Variants in AP1AR observed in about 807,000 individuals in gnomAD.
AP1AR encodes AP-1 complex-associated regulatory protein.
Under a neutral mutation model 46.3 loss-of-function variants are expected in AP1AR, and 29 were observed. The observed-to-expected ratio is 0.63, with a 90% CI of 0.47 to 0.85. AP1AR has a LOEUF of 0.85. Among genes scored for constraint, AP1AR ranks in the 40% least tolerant of loss-of-function variants. The probability of loss-of-function intolerance (pLI) is 0.00; values close to 1 mark genes in which losing one functional copy is unlikely to be tolerated. For missense variants in AP1AR, 357 were observed against 356.3 expected, an observed-to-expected ratio of 1.00 and a Z score of -0.02; for synonymous variants, 122 against 122.9, an observed-to-expected ratio of 0.99 and a Z score of 0.05.
At chr4:112,266,867 G>T (rs2110495236) in intron 9 of AP1AR, 151 bp downstream of exon 9, 2 of 610,014 alleles carry the variant, frequency 3.3e-6, no homozygotes, top group East Asian at 3.6e-5. Flanking sequence ...TATTGGTGAT[G>T]ATCTCTGTTG....
chr4:112,233,361 A>G (rs1053802883), intron 1 of AP1AR, among the ~76,000 whole-genome samples: 1 of 152,208 alleles, frequency 6.6e-6, no homozygotes, highest in Non-Finnish European at 1.5e-5. Context: ...GCCTAGTGTA[A>G]TATTTCGATT....
intron 1 of AP1AR, among the ~76,000 whole-genome samples, chr4:112,234,154 C>A (rs1388580449): frequency 6.6e-6 from 1 of 152,194 alleles, no homozygotes; most frequent in Non-Finnish European, 1.5e-5. Context: ...CCACCGCGCC[C>A]GGCCAGCAGG....
intron 1 of AP1AR, among the ~76,000 whole-genome samples, chr4:112,251,079 G>A (rs1203808609): frequency 6.6e-6 from 1 of 152,158 alleles, no homozygotes; most frequent in East Asian, 1.9e-4. Context: ...CACTCTTTCA[G>A]TTTATTTCAT....
At chr4:112,257,875 C>A in intron 4 of AP1AR, 78 bp downstream of exon 4, 1 of 1,281,840 alleles carries the variant, frequency 7.8e-7, no homozygotes, top group Non-Finnish European at 1.1e-6. Context: ...CAGGCTTTAT[C>A]ATTTGCTTGC....
In AP1AR at chr4:112,272,321, A is replaced by AT. The variant is rs2110501407; in HGVS notation, c.*3913dup. On this transcript the variant is annotated 3_prime_UTR_variant, in exon 10 of 10. Transcript: ENST00000274000. The stretch of plus-strand genomic sequence containing the variant: ...ATCTAACAGGAGACATCTTGAGCTC[A>AT]TGGGCAACAACTTCCCAATAAGAAT... Among the ~76,000 whole-genome samples, 1 of 152,300 alleles carries AT rather than the reference A, an allele frequency of 6.6e-6. No individual in the cohort carries two copies. Among genetic ancestry groups the AT allele is most frequent in the South Asian group, 2.1e-4 (1 of 4,824 alleles).
At chr4:112,243,537 C>T (rs938923341) in intron 1 of AP1AR, among the ~76,000 whole-genome samples, 7 of 152,216 alleles carry the variant, frequency 4.6e-5, no homozygotes, top group Admixed American at 2.0e-4. Flanking sequence ...TATCCCCGCT[C>T]ACTGTTTAGG....
chr4:112,256,873 G>A lies in AP1AR; in HGVS notation c.160-899G>A, dbSNP rs530646904. The stretch of plus-strand genomic sequence containing the variant: ...TGAATGCTGAAGCATTACTGCAGGG[G>A]AAATACAAGGTTAGGTTCCTGCAAG... On this transcript the variant is annotated intron_variant, in intron 3 of 9. Transcript: ENST00000274000. Among the ~76,000 whole-genome samples, 4 of 152,302 alleles carry A rather than the reference G, an allele frequency of 2.6e-5. No homozygotes were observed. In the East Asian group the frequency reaches 5.8e-4, roughly 22 times the overall value.
intron 1 of AP1AR, among the ~76,000 whole-genome samples, chr4:112,252,774 T>C (rs1369576047): frequency 1.3e-5 from 2 of 152,218 alleles, no homozygotes; most frequent in African/African-American, 4.8e-5. Context: ...TCTTAGCATA[T>C]TGACATATAT....
intron 1 of AP1AR, among the ~76,000 whole-genome samples, chr4:112,250,412 T>C (rs533684676): frequency 4.4e-4 from 67 of 152,346 alleles, no homozygotes; most frequent in African/African-American, 1.2e-3. Flanking sequence ...TTTTAAAACA[T>C]ATATATTACA....
At position 112,268,885 on chromosome 4, in the gene AP1AR, G is replaced by T. The variant is rs1298391168; in HGVS notation, c.*476G>T. On this transcript the variant is annotated 3_prime_UTR_variant, in exon 10 of 10. Transcript: ENST00000274000. The stretch of plus-strand genomic sequence containing the variant: ...CGTTTCCAGCATTATTTATTTCTAT[G>T]ACTTCTTTGGATTTTATTATCTAAT... The T allele has an allele frequency of 6.6e-6, 1 of 152,066 alleles. No homozygotes were observed. Among genetic ancestry groups the T allele is most frequent in the Non-Finnish European group, 1.5e-5 (1 of 68,042 alleles). The allele number at this position is 152,066 out of a possible 1,614,324, so 9.4% of individuals were successfully genotyped here. A position where few individuals can be genotyped will look rare whatever the true frequency, so the allele number is the denominator to read the frequency against.
At chr4:112,245,250 C>T (rs1331210012) in intron 1 of AP1AR, among the ~76,000 whole-genome samples, 3 of 151,706 alleles carry the variant, frequency 2.0e-5, no homozygotes, top group Non-Finnish European at 4.4e-5. Flanking sequence ...TTATTTTTTT[C>T]TTATAAGAAT....
At chr4:112,237,014 C>T (rs1725271558) in intron 1 of AP1AR, among the ~76,000 whole-genome samples, 1 of 152,186 alleles carries the variant, frequency 6.6e-6, no homozygotes, top group Non-Finnish European at 1.5e-5. Context: ...CCTGTTTTTA[C>T]CAGTGTTATT....
chr4:112,254,136 T>C (rs1206488631), intron 2 of AP1AR, among the ~76,000 whole-genome samples: 1 of 152,180 alleles, frequency 6.6e-6, no homozygotes, highest in Non-Finnish European at 1.5e-5. Flanking sequence ...ATATTTAAAA[T>C]AAAAACACTT....
intron 5 of AP1AR, among the ~76,000 whole-genome samples, chr4:112,262,138 A>T (rs940274393): frequency 1.3e-5 from 2 of 151,978 alleles, no homozygotes; most frequent in African/African-American, 4.8e-5. Context: ...ACTTGGCAAG[A>T]CCTCATCTCT....
At chr4:112,265,120 G>T in intron 7 of AP1AR, 53 bp downstream of exon 7, 1 of 1,406,972 alleles carries the variant, frequency 7.1e-7, no homozygotes, top group Non-Finnish European at 9.8e-7. Context: ...ATTTTATTGC[G>T]GTGTAGAGCA....
At chr4:112,262,665 G>A (rs1032191836) in intron 5 of AP1AR, among the ~76,000 whole-genome samples, 1 of 152,192 alleles carries the variant, frequency 6.6e-6, no homozygotes, top group Non-Finnish European at 1.5e-5. Flanking sequence ...GCAAACTAGT[G>A]AGGGTGATAG....
rs1433593075 is a variant in AP1AR at position 112,263,052 on chromosome 4, C to T, written c.347C>T (p.Ala116Val). 2.5e-6 allele frequency: 4 copies of T among 1,613,618 alleles called. No individual in the cohort carries two copies. The highest frequency in any genetic ancestry group is 3.4e-6 in the Non-Finnish European group (4 of 1,179,782). ...EEALYAAQRE[A>V]ARAAKQRKLL... ...GCTTTATACGCTGCACAGCGTGAAG[C>T]AGCCAGGGCAGCAAAGCAGCGAAAG... is the stretch of plus-strand genomic sequence containing the variant. The change falls in exon 6 of 10, where the codon GCA becomes GTA. Residue 116 changes from alanine to valine, a missense_variant. Ala to Val is a moderately conservative substitution (Grantham distance 64). Coordinates refer to ENST00000274000, the MANE Select transcript of AP1AR (RefSeq NM_018569.6).
chr4:112,243,130 A>G (rs773788455), intron 1 of AP1AR, among the ~76,000 whole-genome samples: 4 of 152,316 alleles, frequency 2.6e-5, no homozygotes, highest in Admixed American at 6.5e-5. Context: ...TGAACGTTAA[A>G]TGCACATATT....
At position 112,268,399 on chromosome 4, in the gene AP1AR, A is replaced by G; in HGVS notation, c.899A>G (p.Gln300Arg). ...SGIRHSDTDQQTR is the reference protein window; with the variant it reads ...SGIRHSDTDQRTR ...ATAAGGCATTCTGACACAGATCAAC[A>G]GACTCGATAGGGTAAAATTGTGTGA... Residue 300 changes from glutamine to arginine, a missense_variant, in exon 10 of 10, where the codon CAG (glutamine) becomes CGG (arginine). Gln to Arg is a conservative substitution (Grantham distance 43). Transcript: ENST00000274000. 6.3e-7 allele frequency: 1 copy of G among 1,592,278 alleles called. No homozygotes were observed. The highest frequency in any genetic ancestry group is 8.6e-7 in the Non-Finnish European group (1 of 1,169,038).
Sources: gnomAD v4.1 joint callset for allele counts (sites outside exome capture counted in the v4.1 genomes callset) on GRCh38, gnomAD v4.1.1 for gene constraint, MANE v1.5 for transcripts, NCBI Gene and HGNC (gene_info 2026-07-23, HGNC 2026-07-21) for gene names.